The following IPP variants were observed in gnomAD, a reference collection of about 807,000 sequenced individuals.
IPP encodes the protein actin-binding protein IPP.
Under a neutral mutation model 64.1 loss-of-function variants are expected in IPP, and 41 were observed. The observed-to-expected ratio is 0.64, with a 90% CI of 0.50 to 0.83. The LOEUF (loss-of-function observed/expected upper bound fraction) is 0.83, where lower values mean the gene tolerates loss of function less well. Among genes scored for constraint, IPP ranks in the 40% least tolerant of loss-of-function variants. The pLI is 0.00. For synonymous variants in IPP, 214 were observed against 235.2 expected (o/e 0.91, Z 0.83); for missense variants, 649 against 703.0 (o/e 0.92, Z 0.87).
chr1:45,735,536 G>A (rs1570030902), intron 3 of IPP, among the ~76,000 whole-genome samples: 1 of 116,640 alleles, frequency 8.6e-6, no homozygotes, highest in East Asian at 2.8e-4. Context: ...GAAGTGGCAT[G>A]ATCACAGCTC....
intron 5 of IPP, among the ~76,000 whole-genome samples, chr1:45,721,386 T>C (rs1198585920): frequency 6.6e-6 from 1 of 152,216 alleles, no homozygotes; most frequent in Non-Finnish European, 1.5e-5. Flanking sequence ...GGCTATGTCA[T>C]CAGCTGCCTG....
Position 45,729,604 on chromosome 1 carries a change from GCTCT to G in IPP, c.880+6_880+9del. On this transcript the variant is annotated splice_donor_region_variant and intron_variant, in intron 4 of 8. Coordinates refer to ENST00000396478, the MANE Select transcript of IPP (RefSeq NM_005897.3). ...TATAATTTCTATTACTTTTTTAAGG[GCTCT>G]CTCACCTACTGCATACAGGTACTTT... 1 of 1,596,346 alleles carries G rather than the reference GCTCT, an allele frequency of 6.3e-7. No individual in the cohort carries two copies.
chr1:45,742,566 T>C (rs551258135), intron 2 of IPP, among the ~76,000 whole-genome samples: 9 of 152,306 alleles, frequency 5.9e-5, no homozygotes, highest in African/African-American at 1.9e-4. Flanking sequence ...CAGTGTCTCA[T>C]TCTGTTGTCC....
intron 2 of IPP, among the ~76,000 whole-genome samples, chr1:45,742,402 A>C (rs957506453): frequency 6.6e-6 from 1 of 152,254 alleles, no homozygotes; most frequent in African/African-American, 2.4e-5. Context: ...CAACAACAGC[A>C]ACAACAACAA....
At chr1:45,747,625 C>T (rs149554213) in intron 1 of IPP, among the ~76,000 whole-genome samples, 5 of 151,806 alleles carry the variant, frequency 3.3e-5, no homozygotes, top group Admixed American at 6.6e-5. Flanking sequence ...TCCAGGAGTT[C>T]GAGACCAACC....
chr1:45,707,057 C>T (rs1023500394), intron 8 of IPP, among the ~76,000 whole-genome samples: 13 of 152,158 alleles, frequency 8.5e-5, no homozygotes, highest in Admixed American at 2.0e-4. Context: ...CTGAGCAACA[C>T]AGCAAAACCT....
intron 2 of IPP, among the ~76,000 whole-genome samples, chr1:45,745,032 G>A (rs1646116581): frequency 6.6e-6 from 1 of 151,968 alleles, no homozygotes; most frequent in Non-Finnish European, 1.5e-5. Flanking sequence ...CCACACTCCA[G>A]CCTAGACAAC....
Position 45,727,713 on chromosome 1 carries a change from G to A in IPP, c.966C>T (p.Tyr322=). ...GATGAAGTGAAGACACAGTGGTCCA[G>A]TACTGGCTAAAGGTGTCAAAACGTT... ...CVERFDTFSQ[Y]WTTVSSLHQA... The change falls in exon 5 of 9, where the codon TAC becomes TAT. Residue 322 remains tyrosine, a synonymous_variant. Transcript: ENST00000396478. 2 of 1,601,980 alleles carry A rather than the reference G, an allele frequency of 1.2e-6. No individual in the cohort carries two copies. The highest frequency in any genetic ancestry group is 1.7e-6 in the Non-Finnish European group (2 of 1,171,224).
Position 45,727,565 on chromosome 1 carries a change from A to G in IPP, c.1048+66T>C, listed in dbSNP as rs1645846451. The stretch of plus-strand genomic sequence containing the variant: ...ATGTATATCACATAGCAACATATAA[A>G]TCATAAAGCATATTAGAATATAGCC... On this transcript the variant is annotated intron_variant, in intron 5 of 8. Transcript: ENST00000396478. The G allele has an allele frequency of 6.8e-6, 7 of 1,032,310 alleles. No homozygotes were observed. The East Asian group carries it at 1.5e-4, about 23-fold the overall frequency. The allele number at this position is 1,032,310 out of a possible 1,614,324, so 63.9% of individuals were successfully genotyped here.
At chr1:45,732,272 G>C (rs1645918155) in intron 3 of IPP, among the ~76,000 whole-genome samples, 1 of 146,342 alleles carries the variant, frequency 6.8e-6, no homozygotes, top group Non-Finnish European at 1.5e-5. Context: ...GAGGCAGGGA[G>C]AACCGCTTGA....
intron 8 of IPP, among the ~76,000 whole-genome samples, chr1:45,712,298 T>TAAAAAAAAAAAAAAAAAAAA (rs71058702): frequency 1.5e-5 from 2 of 131,336 alleles, no homozygotes; most frequent in Admixed American, 7.8e-5. Flanking sequence ...AGACGACGTC[T>TAAAAAAAAAAAAAAAAAAAA]AAAAAAAAAA....
intron 5 of IPP, among the ~76,000 whole-genome samples, chr1:45,725,131 GC>G (rs1645798998): frequency 8.6e-6 from 1 of 115,666 alleles, no homozygotes; most frequent in African/African-American, 3.3e-5. Context: ...TCAGCCCCCC[GC>G]CCGGCCAGCC....
Position 45,740,905 on chromosome 1 carries a change from T to C in IPP, c.720A>G (p.Ile240Met), listed in dbSNP as rs201404564. The C allele has an allele frequency of 1.0e-4, 159 of 1,576,014 alleles. No homozygotes were observed. Among genetic ancestry groups the C allele is most frequent in the Admixed American group, 2.5e-4 (13 of 52,870 alleles). Reference sequence around the variant, plus strand: ...GATATATAGCAAAAAAGTTACCTTCTATATACTTTAAAAGTCTCTGAGGAG... The same window carrying C: ...GATATATAGCAAAAAAGTTACCTTCCATATACTTTAAAAGTCTCTGAGGAG... ...LLPPQRLLKY[I>M]EGVSDFNLRV... The change falls in exon 3 of 9, where the codon ATA (isoleucine) becomes ATG (methionine). Residue 240 changes from isoleucine to methionine, a missense_variant. Physicochemically the swap from Ile to Met is conservative, Grantham distance 10 (BLOSUM62 1). Coordinates refer to ENST00000396478, the MANE Select transcript of IPP (RefSeq NM_005897.3).
intron 4 of IPP, among the ~76,000 whole-genome samples, chr1:45,728,132 G>A (rs1046201119): frequency 7.3e-6 from 1 of 136,884 alleles, no homozygotes; most frequent in East Asian, 2.1e-4. Flanking sequence ...AAAGCTGTGT[G>A]TGTGTGTGTG....
At chr1:45,743,495 C>A (rs1223067755) in intron 2 of IPP, among the ~76,000 whole-genome samples, 1 of 151,786 alleles carries the variant, frequency 6.6e-6, no homozygotes, top group Non-Finnish European at 1.5e-5. Flanking sequence ...GGGAGGATTG[C>A]TTGAGCCTAG....
chr1:45,724,218 G>C (rs1419992286), intron 5 of IPP, among the ~76,000 whole-genome samples: 5 of 152,192 alleles, frequency 3.3e-5, no homozygotes, highest in African/African-American at 1.2e-4. Context: ...TCCTAACCGC[G>C]AGTGATCCGC....
chr1:45,721,992 C>T (rs1645738953), intron 5 of IPP, among the ~76,000 whole-genome samples: 1 of 152,042 alleles, frequency 6.6e-6, no homozygotes, highest in Non-Finnish European at 1.5e-5. Flanking sequence ...TCACTTGAAC[C>T]CGAGAGGCAG....
At chr1:45,717,243 A>C (rs541571626) in intron 6 of IPP, among the ~76,000 whole-genome samples, 3,499 of 142,440 alleles carry the variant, frequency 0.025, 140 homozygotes, top group African/African-American at 0.087. Flanking sequence ...AAAAAAAAAA[A>C]AGGAATTCAA....
At chr1:45,741,628 T>TAAG (rs1307150264) in intron 2 of IPP, among the ~76,000 whole-genome samples, 2 of 96,474 alleles carry the variant, frequency 2.1e-5, no homozygotes, top group African/African-American at 5.3e-5. Flanking sequence ...ATTTTCTTTT[T>TAAG]TTTTTTTTTT....
Sources: gnomAD v4.1 joint callset for allele counts (sites outside exome capture counted in the v4.1 genomes callset) on GRCh38, gnomAD v4.1.1 for gene constraint, MANE v1.5 for transcripts, NCBI Gene and HGNC (gene_info 2026-07-23, HGNC 2026-07-21) for gene names.